MTOR: variants seen among roughly 807,000 people sequenced by gnomAD.
MTOR encodes the protein serine/threonine-protein kinase mTOR.
A neutral mutation model predicts 319.8 loss-of-function variants in MTOR; 70 were observed. The ratio of observed to expected loss-of-function variants is 0.22; its 90% CI spans 0.18 to 0.27. The LOEUF (loss-of-function observed/expected upper bound fraction) is 0.27, where lower values mean the gene tolerates loss of function less well. MTOR is among the 10% of genes least tolerant of loss of function. The pLI, the probability that MTOR is intolerant of heterozygous loss-of-function variation, is 1.00. For missense variants in MTOR, 1,890 were observed against 3,274.4 expected, an observed-to-expected ratio of 0.58 and a Z score of 10.32; for synonymous variants, 1,183 against 1,211.4, an observed-to-expected ratio of 0.98 and a Z score of 0.49.
In MTOR at chr1:11,219,603, C is replaced by T. The variant is rs1375235456; in HGVS notation, c.3031-3369G>A. Among the ~76,000 whole-genome samples, 5 of 152,152 alleles carry T rather than the reference C, an allele frequency of 3.3e-5. No homozygotes were observed. The South Asian group carries it at 6.2e-4, about 19-fold the overall frequency. ...CTATATGATTCGAAATTATAAAACA[C>T]GTGAGGAAACAGACCACTACAAGCA... On this transcript the variant is annotated intron_variant, in intron 19 of 57. Coordinates refer to ENST00000361445, the MANE Select transcript of MTOR (RefSeq NM_004958.4).
Position 11,128,645 on chromosome 1 carries a change from G to A in MTOR, c.5812-93C>T, listed in dbSNP as rs952947652. 8 of 1,310,116 alleles carry A rather than the reference G, an allele frequency of 6.1e-6. No homozygotes were observed. The highest frequency in any genetic ancestry group is 5.5e-5 in the Admixed American group (3 of 54,494). The allele number at this position is 1,310,116 out of a possible 1,614,324, so 81.2% of individuals were successfully genotyped here. A position where few individuals can be genotyped will look rare whatever the true frequency, so the allele number is the denominator to read the frequency against. On this transcript the variant is annotated intron_variant, in intron 41 of 57. Coordinates refer to ENST00000361445, the MANE Select transcript of MTOR (RefSeq NM_004958.4). The surrounding 1 kb of genome is among the most constrained non-coding windows in gnomAD (Gnocchi z 5.3). ...AGATCAATTCTTTTAACTTGTTTCGGTTGATGCTCTGAAATGGTTCATTCC... is the reference window on the plus strand; with the variant it reads ...AGATCAATTCTTTTAACTTGTTTCGATTGATGCTCTGAAATGGTTCATTCC...
chr1:11,260,708 T>C lies in MTOR; in HGVS notation c.-14-1285A>G, dbSNP rs1028156745. 3.4e-5 allele frequency among the ~76,000 whole-genome samples: 4 copies of C among 116,836 alleles called. No individual in the cohort carries two copies. In the Admixed American group the frequency reaches 4.0e-4, roughly 12 times the overall value. 76.6% of individuals were successfully genotyped at this position (116,836 alleles called of 152,430 possible). A position where few individuals can be genotyped will look rare whatever the true frequency, so the allele number is the denominator to read the frequency against. The stretch of plus-strand genomic sequence containing the variant: ...GTTATCAATATTTAAAAAATTGATA[T>C]AGTGTCCATTCTTTTTTTTTAGCGA... On this transcript the variant is annotated intron_variant, in intron 1 of 57. Coordinates refer to ENST00000361445, the MANE Select transcript of MTOR (RefSeq NM_004958.4).
chr1:11,215,611 C>T (rs1172290544), intron 20 of MTOR, among the ~76,000 whole-genome samples: 1 of 152,162 alleles, frequency 6.6e-6, no homozygotes, highest in Non-Finnish European at 1.5e-5. Context: ...CATGGGGTGT[C>T]TTCTGGCACC....
rs1222511685 is a variant in MTOR, at chr1:11,127,966, A to G, written c.6033+38T>C. 6 of 1,611,570 alleles carry G rather than the reference A, an allele frequency of 3.7e-6. No individual in the cohort carries two copies. The Admixed American group carries it at 5.0e-5, about 13-fold the overall frequency. ...CCCACTTGCGCCCACCAGCTAAGGGACCAGGGTCTATGAAGCCCCACAGTG... is the reference window on the plus strand; with the variant it reads ...CCCACTTGCGCCCACCAGCTAAGGGGCCAGGGTCTATGAAGCCCCACAGTG... On this transcript the variant is annotated intron_variant, in intron 43 of 57. Coordinates refer to ENST00000361445, the MANE Select transcript of MTOR (RefSeq NM_004958.4). The surrounding 1 kb of genome is among the most constrained non-coding windows in gnomAD (Gnocchi z 5.5).
chr1:11,218,540 T>C (rs1646553658), intron 19 of MTOR, among the ~76,000 whole-genome samples: 1 of 152,042 alleles, frequency 6.6e-6, no homozygotes, highest in Admixed American at 6.6e-5. Flanking sequence ...AAACCTAAGC[T>C]GGAGGAAAAC....
In MTOR at chr1:11,243,268, C is replaced by T; in HGVS notation, c.1258G>A (p.Val420Ile). 6.2e-7 allele frequency: 1 copy of T among 1,614,142 alleles called. No homozygotes were observed. The highest frequency in any genetic ancestry group is 8.5e-7 in the Non-Finnish European group (1 of 1,180,034). Residue 420 changes from valine to isoleucine, a missense_variant, in exon 9 of 58, where the codon GTC becomes ATC. This residue lies in a region of MTOR where 418 missense variants were observed against 543.1 expected (regional missense o/e 0.77). Coordinates refer to ENST00000361445, the MANE Select transcript of MTOR (RefSeq NM_004958.4). ...TTCTCCTTCTTGACACAGCTTAGGA[C>T]ATGGTTCATGGTATCTTGGAGATAC... is the stretch of plus-strand genomic sequence containing the variant. ...TQYLQDTMNHVLSCVKKEKER... is the reference protein window; with the variant it reads ...TQYLQDTMNHILSCVKKEKER...
intron 53 of MTOR, among the ~76,000 whole-genome samples, chr1:11,113,830 G>A (rs1258622220): frequency 2.0e-5 from 3 of 152,232 alleles, no homozygotes; most frequent in Admixed American, 6.5e-5. Flanking sequence ...ACTGCAATTC[G>A]AATTGTAATC....
At chr1:11,120,749 A>G (rs1399803734) in intron 49 of MTOR, among the ~76,000 whole-genome samples, 1 of 152,212 alleles carries the variant, frequency 6.6e-6, no homozygotes, top group Admixed American at 6.5e-5. Context: ...AATACCTAAT[A>G]CAATGTGAAT....
chr1:11,134,539 TC>T, intron 36 of MTOR, 73 bp from the exon 37 acceptor site: 1 of 1,300,726 alleles, frequency 7.7e-7, no homozygotes, highest in East Asian at 2.3e-5. Flanking sequence ...CTACCGTTCA[TC>T]TGATAGGCAT....
At chr1:11,166,858 A>G (rs966247142) in intron 29 of MTOR, among the ~76,000 whole-genome samples, 1 of 152,206 alleles carries the variant, frequency 6.6e-6, no homozygotes, top group South Asian at 2.1e-4. Flanking sequence ...ATGTCCATCA[A>G]TGATAGACTG....
At chr1:11,134,285 T>A in intron 37 of MTOR, 66 bp downstream of exon 37, 1 of 1,466,000 alleles carries the variant, frequency 6.8e-7, no homozygotes, top group Non-Finnish European at 9.5e-7. Flanking sequence ...AACTCCTCCT[T>A]GCTGCAGAAG....
At chr1:11,173,594 CTT>C (rs1423950941) in intron 28 of MTOR, among the ~76,000 whole-genome samples, 1 of 152,160 alleles carries the variant, frequency 6.6e-6, no homozygotes, top group Non-Finnish European at 1.5e-5. Context: ...CACCTACTCT[CTT>C]GATTGTTCAA....
intron 13 of MTOR, among the ~76,000 whole-genome samples, chr1:11,236,094 G>A (rs1004822810): frequency 2.0e-5 from 3 of 151,132 alleles, no homozygotes; most frequent in Non-Finnish European, 2.9e-5. Flanking sequence ...CTGACAGAAT[G>A]AACATATTGA....
At chr1:11,113,893 T>C (rs936534500) in intron 53 of MTOR, among the ~76,000 whole-genome samples, 3 of 152,176 alleles carry the variant, frequency 2.0e-5, no homozygotes, top group Non-Finnish European at 4.4e-5. Flanking sequence ...ATGGGGATGG[T>C]TCCTCCATGC....
At position 11,129,795 on chromosome 1, in the gene MTOR, T is replaced by C. The variant is rs1173694512; in HGVS notation, c.5657A>G (p.Gln1886Arg). ...TLLMYTVPAVQGFFRSISLSR... is the reference protein window; with the variant it reads ...TLLMYTVPAVRGFFRSISLSR... ...CAAGGAGATGGAACGGAAGAAGCCC[T>C]GGACGGCAGGCACCGTGTACATCAG... is the stretch of plus-strand genomic sequence containing the variant. Residue 1886 changes from glutamine to arginine, a missense_variant, in exon 40 of 58, where the codon CAG becomes CGG. By Grantham distance (43) the Gln-to-Arg change is conservative. Coordinates refer to ENST00000361445, the MANE Select transcript of MTOR (RefSeq NM_004958.4). This position sits in a 1 kb window ranked among gnomAD's most constrained non-coding sequence, Gnocchi z 4.7. 6.2e-7 allele frequency: 1 copy of C among 1,614,248 alleles called. No individual in the cohort carries two copies. Among genetic ancestry groups the C allele is most frequent in the Non-Finnish European group, 8.5e-7 (1 of 1,180,032 alleles).
At chr1:11,241,320 CAA>C (rs750527139) in intron 10 of MTOR, among the ~76,000 whole-genome samples, 6 of 52,946 alleles carry the variant, frequency 1.1e-4, no homozygotes, top group Non-Finnish European at 8.5e-5. Context: ...GACCCCTTCT[CAA>C]AAAAAAAAAA....
chr1:11,257,649 T>C (rs939540578), intron 3 of MTOR, among the ~76,000 whole-genome samples: 29 of 150,642 alleles, frequency 1.9e-4, no homozygotes, highest in Non-Finnish European at 7.4e-5. Context: ...CAAGGACAGA[T>C]ACAATTTTCA....
intron 3 of MTOR, among the ~76,000 whole-genome samples, chr1:11,258,228 G>A (rs1369463576): frequency 6.6e-6 from 1 of 152,192 alleles, no homozygotes; most frequent in Non-Finnish European, 1.5e-5. Flanking sequence ...GCAATATGAA[G>A]GAGTGGAAAG....
chr1:11,145,895 G>A (rs1335989691), intron 32 of MTOR, among the ~76,000 whole-genome samples: 1 of 152,162 alleles, frequency 6.6e-6, no homozygotes, highest in Non-Finnish European at 1.5e-5. Context: ...TGGTAGCTCT[G>A]GCTTCCAAGC....
Sources: allele counts gnomAD v4.1 joint callset (sites outside exome capture counted in the v4.1 genomes callset), GRCh38; gene constraint gnomAD v4.1.1; regional missense constraint gnomAD v4.1.1; non-coding constraint Gnocchi (gnomAD v3.1); transcripts MANE v1.5; gene names NCBI Gene and HGNC (gene_info 2026-07-23, HGNC 2026-07-21).